The following IL36B variants were observed in gnomAD, a reference collection of about 807,000 sequenced individuals.
The protein encoded by IL36B is interleukin-36 beta.
A neutral mutation model predicts 19.3 loss-of-function variants in IL36B; 23 were observed. That is an observed-to-expected ratio of 1.19 (90% CI 0.86 to 1.69). The LOEUF is 1.69. Ranked by LOEUF, IL36B falls within the 40% of genes most tolerant of loss-of-function variation. The probability of loss-of-function intolerance (pLI) is 0.00; values close to 1 mark genes in which losing one functional copy is unlikely to be tolerated. For synonymous variants in IL36B, 59 were observed against 59.7 expected, an observed-to-expected ratio of 0.99 and a Z score of 0.05; for missense variants, 217 against 200.5, an observed-to-expected ratio of 1.08 and a Z score of -0.50.
chr2:113,027,518 T>A (rs998377490), intron 4 of IL36B: 1 of 1,036,576 alleles, frequency 9.6e-7, no homozygotes, highest in Non-Finnish European at 1.2e-6. Flanking sequence ...TATAATGTTT[T>A]ATTGAAGAAG....
chr2:113,024,161 C>A (rs1684911213), intron 5 of IL36B, among the ~76,000 whole-genome samples: 1 of 152,154 alleles, frequency 6.6e-6, no homozygotes, highest in South Asian at 2.1e-4. Flanking sequence ...AACTCCCTCT[C>A]TACCACCCTG....
intron 1 of IL36B, among the ~76,000 whole-genome samples, chr2:113,039,137 A>T (rs966855395): frequency 4.6e-5 from 7 of 152,172 alleles, no homozygotes; most frequent in African/African-American, 1.4e-4. Context: ...TGGCCCCTGG[A>T]TATGAGACTC....
At chr2:113,025,594 T>C (rs750907380) in intron 5 of IL36B, among the ~76,000 whole-genome samples, 5 of 151,922 alleles carry the variant, frequency 3.3e-5, no homozygotes, top group South Asian at 2.1e-4. Flanking sequence ...CCTAAGAAAA[T>C]AAATGTTCCA....
At chr2:113,028,016 AGACT>A (rs1309826915) in intron 4 of IL36B, 2 of 1,614,192 alleles carry the variant, frequency 1.2e-6, no homozygotes, top group African/African-American at 1.3e-5. Context: ...CCAGGGTAAG[AGACT>A]GACTGAAAGA....
At chr2:113,040,322 A>AT (rs1338070429) in intron 1 of IL36B, among the ~76,000 whole-genome samples, 2 of 152,194 alleles carry the variant, frequency 1.3e-5, no homozygotes, top group Admixed American at 6.5e-5. Flanking sequence ...GAAAGAATTG[A>AT]TTTTTTTCCC....
At chr2:113,046,474 T>A (rs530361879) in intron 1 of IL36B, among the ~76,000 whole-genome samples, 4 of 152,148 alleles carry the variant, frequency 2.6e-5, no homozygotes, top group African/African-American at 4.8e-5. Flanking sequence ...CCCCAAAGTG[T>A]TGGGATTACA....
Position 113,026,251 on chromosome 2 carries a change from C to G in IL36B, c.262-19G>C, listed in dbSNP as rs756300964. 1.3e-5 allele frequency: 21 copies of G among 1,612,922 alleles called. No individual in the cohort carries two copies. In the Admixed American group the frequency reaches 3.2e-4, roughly 24 times the overall value. ...CCTGAAGCTGGAAGAGAGAAATGTT[C>G]AATGTTGCTGAGATAATACACTGCC... On this transcript the variant is annotated intron_variant, in intron 4 of 5. Coordinates refer to ENST00000259213, the MANE Select transcript of IL36B (RefSeq NM_014438.5).
At chr2:113,045,528 A>AT (rs1685334223) in intron 1 of IL36B, among the ~76,000 whole-genome samples, 1 of 152,164 alleles carries the variant, frequency 6.6e-6, no homozygotes, top group African/African-American at 2.4e-5. Flanking sequence ...TTTAGAAAAT[A>AT]TTTGGCTAAC....
chr2:113,033,301 G>T (rs34200521), intron 1 of IL36B, among the ~76,000 whole-genome samples: 12,429 of 152,112 alleles, frequency 0.082, 582 homozygotes, highest in African/African-American at 0.095. Flanking sequence ...GCACGATCTC[G>T]GCTCATGGAA....
At chr2:113,044,424 C>G (rs1685314329) in intron 1 of IL36B, among the ~76,000 whole-genome samples, 1 of 152,004 alleles carries the variant, frequency 6.6e-6, no homozygotes, top group African/African-American at 2.4e-5. Flanking sequence ...TCTGGAGTAG[C>G]TGGGACTACA....
chr2:113,044,214 G>A (rs1192847131), intron 1 of IL36B, among the ~76,000 whole-genome samples: 2 of 150,642 alleles, frequency 1.3e-5, no homozygotes, highest in Non-Finnish European at 3.0e-5. Flanking sequence ...CTTATCCTTG[G>A]CAATATTCTT....
chr2:113,049,064 G>T (rs1432952830), intron 1 of IL36B, among the ~76,000 whole-genome samples: 1 of 151,922 alleles, frequency 6.6e-6, no homozygotes, highest in Non-Finnish European at 1.5e-5. Context: ...GGTGATGATG[G>T]TGATGGTGGA....
intron 1 of IL36B, among the ~76,000 whole-genome samples, 200 bp downstream of exon 1, chr2:113,052,617 C>T (rs907588669): frequency 6.6e-6 from 1 of 152,182 alleles, no homozygotes; most frequent in Non-Finnish European, 1.5e-5. Context: ...CAAACGTTAA[C>T]CTTTCTTGTC....
intron 1 of IL36B, among the ~76,000 whole-genome samples, chr2:113,035,810 T>C (rs1685156457): frequency 6.6e-6 from 1 of 152,322 alleles, no homozygotes; most frequent in Non-Finnish European, 1.5e-5. Flanking sequence ...GATGAAGCTG[T>C]GTCTCTGACA....
At chr2:113,033,485 C>T (rs374169328) in intron 1 of IL36B, among the ~76,000 whole-genome samples, 42 of 152,280 alleles carry the variant, frequency 2.8e-4, no homozygotes, top group East Asian at 2.3e-3. Context: ...GCAGTCCACC[C>T]GCCTCGGCCT....
At chr2:113,035,854 G>A (rs946350512) in intron 1 of IL36B, among the ~76,000 whole-genome samples, 5 of 152,218 alleles carry the variant, frequency 3.3e-5, no homozygotes, top group African/African-American at 1.2e-4. Context: ...TCAGAGGATT[G>A]AGATAAAAGA....
intron 1 of IL36B, among the ~76,000 whole-genome samples, chr2:113,044,200 A>G (rs1466380516): frequency 6.6e-6 from 1 of 151,856 alleles, no homozygotes; most frequent in African/African-American, 2.4e-5. Context: ...TGTGAAATAA[A>G]CTTCTTATCC....
At chr2:113,028,309 C>A (rs1283517515) in intron 4 of IL36B, among the ~76,000 whole-genome samples, 194 bp from the exon 5 acceptor site, 7 of 152,146 alleles carry the variant, frequency 4.6e-5, no homozygotes, top group Admixed American at 3.9e-4. Flanking sequence ...CCTGGCTCCA[C>A]CCCAGGATCC....
chr2:113,028,201 G>A (rs1685001055), intron 4 of IL36B, 86 bp from the exon 5 acceptor site: 2 of 1,046,330 alleles, frequency 1.9e-6, no homozygotes, highest in Non-Finnish European at 2.9e-6. Flanking sequence ...ACAGGAGAGG[G>A]ACTGCTGCCC....
Sources: allele counts gnomAD v4.1 joint callset (sites outside exome capture counted in the v4.1 genomes callset), GRCh38; gene constraint gnomAD v4.1.1; transcripts MANE v1.5; gene names NCBI Gene and HGNC (gene_info 2026-07-23, HGNC 2026-07-21).